LTBP1: variants seen among roughly 807,000 people sequenced by gnomAD.
LTBP1 encodes the protein latent transforming growth factor beta binding protein 1.
LTBP1 carries 129 observed loss-of-function variants against 207.6 expected under a neutral mutation model. The observed-to-expected ratio is 0.62, with a 90% confidence interval of 0.54 to 0.72. LTBP1 has a LOEUF of 0.72. LTBP1 is among the 30% of genes least tolerant of loss of function. LTBP1 has a pLI of 0.00. For synonymous variants in LTBP1, 963 were observed against 833.7 expected, an observed-to-expected ratio of 1.16 and a Z score of -2.67; for missense variants, 2,281 against 2,217.2, an observed-to-expected ratio of 1.03 and a Z score of -0.58.
intron 3 of LTBP1, among the ~76,000 whole-genome samples, chr2:33,064,036 T>C (rs988801935): frequency 3.9e-5 from 6 of 152,070 alleles, no homozygotes; most frequent in Admixed American, 6.6e-5. Flanking sequence ...GTAATTTTAG[T>C]TGAGACGGGG....
intron 5 of LTBP1, among the ~76,000 whole-genome samples, chr2:33,165,596 A>G (rs1189395582): frequency 6.6e-6 from 1 of 152,208 alleles, no homozygotes; most frequent in African/African-American, 2.4e-5. Flanking sequence ...CGGAACTGAG[A>G]TCTCTTGTCT....
chr2:33,193,087 G>GT (rs1225188208), intron 7 of LTBP1, among the ~76,000 whole-genome samples: 2 of 152,122 alleles, frequency 1.3e-5, no homozygotes, highest in Non-Finnish European at 2.9e-5. Context: ...GGAATTACTA[G>GT]TTTTCTTATG....
At chr2:33,100,421 G>T (rs1423174866) in intron 3 of LTBP1, among the ~76,000 whole-genome samples, 1 of 151,988 alleles carries the variant, frequency 6.6e-6, no homozygotes, top group African/African-American at 2.4e-5. Context: ...GAAGGATGGG[G>T]GCAGGGGGGG....
intron 7 of LTBP1, among the ~76,000 whole-genome samples, chr2:33,198,756 A>AT (rs1340401356): frequency 3.9e-5 from 6 of 152,038 alleles, no homozygotes; most frequent in African/African-American, 1.4e-4. Flanking sequence ...CCCCTTTATC[A>AT]TTTTTTATTG....
intron 3 of LTBP1, among the ~76,000 whole-genome samples, chr2:33,075,872 A>G (rs1234664300): frequency 6.6e-6 from 1 of 151,704 alleles, no homozygotes; most frequent in East Asian, 1.9e-4. Flanking sequence ...TCTTTTCCTA[A>G]TCAATATAAA....
intron 4 of LTBP1, among the ~76,000 whole-genome samples, chr2:33,131,735 A>T (rs182329577): frequency 6.3e-4 from 96 of 152,388 alleles, no homozygotes; most frequent in Non-Finnish European, 1.2e-3. Flanking sequence ...ATGAAATAAA[A>T]TATAGCTTCT....
At chr2:33,104,159 C>CTG (rs1261353148) in intron 3 of LTBP1, among the ~76,000 whole-genome samples, 2 of 152,164 alleles carry the variant, frequency 1.3e-5, no homozygotes, top group African/African-American at 4.8e-5. Flanking sequence ...TTTAGTCTGT[C>CTG]TGTGCGCCAA....
chr2:32,998,313 C>T lies in LTBP1; in HGVS notation c.566-22596C>T, dbSNP rs181706937. Among the ~76,000 whole-genome samples the T allele has an allele frequency of 3.0e-3, 458 of 151,710 alleles. 1 individual carries two copies. The highest frequency in any genetic ancestry group is 5.4e-3 in the Admixed American group (82 of 15,246). On this transcript the variant is annotated intron_variant, in intron 2 of 33. Transcript: ENST00000404816. ...TGGGCAGATCATGAGGTCAGGAGAT[C>T]GAGACCATCCTGGCCAACATGGTGA... is the stretch of plus-strand genomic sequence containing the variant.
chr2:33,048,785 C>T (rs77148568), intron 3 of LTBP1, among the ~76,000 whole-genome samples: 1 of 151,890 alleles, frequency 6.6e-6, no homozygotes, highest in Non-Finnish European at 1.5e-5. Flanking sequence ...TATTAAATAG[C>T]CAAAAAATCT....
In LTBP1 at chr2:33,341,729, A is replaced by AATATAT. The variant is rs56171359; in HGVS notation, c.3731-1098_3731-1093dup. On this transcript the variant is annotated intron_variant, in intron 24 of 33. Transcript: ENST00000404816. ...CCGTCTCACTCAAAAAAAAAAAAAA[A>AATATAT]ATATATATATATATATGTATATTTA... 9.1e-3 allele frequency among the ~76,000 whole-genome samples: 850 copies of AATATAT among 93,560 alleles called. 28 individuals carry two copies. The highest frequency in any genetic ancestry group is 0.037 in the African/African-American group (727 of 19,570). 61.4% of individuals were successfully genotyped at this position (93,560 alleles called of 152,430 possible).
chr2:33,106,754 G>C (rs2080089055), intron 3 of LTBP1, among the ~76,000 whole-genome samples: 1 of 152,078 alleles, frequency 6.6e-6, no homozygotes, highest in African/African-American at 2.4e-5. Flanking sequence ...ATTCTCAAGA[G>C]CCCTAGGATT....
chr2:33,052,377 G>A (rs191963367), intron 3 of LTBP1, among the ~76,000 whole-genome samples: 46 of 152,316 alleles, frequency 3.0e-4, no homozygotes, highest in Non-Finnish European at 4.7e-4. Flanking sequence ...AGCTAAGACT[G>A]AATTAGATTA....
At chr2:33,307,214 C>T (rs1322968986) in intron 22 of LTBP1, among the ~76,000 whole-genome samples, 1 of 152,216 alleles carries the variant, frequency 6.6e-6, no homozygotes, top group Non-Finnish European at 1.5e-5. Context: ...GCTACAGCCA[C>T]TTCAGATAAC....
chr2:32,997,059 A>G (rs1281021229), intron 2 of LTBP1, among the ~76,000 whole-genome samples: 1 of 151,940 alleles, frequency 6.6e-6, no homozygotes, highest in Non-Finnish European at 1.5e-5. Flanking sequence ...TAATTTTTGT[A>G]TTTTTAGTAG....
At chr2:33,277,823 T>C (rs942177881) in intron 18 of LTBP1, among the ~76,000 whole-genome samples, 1,700 of 81,466 alleles carry the variant, frequency 0.021, 27 homozygotes, top group African/African-American at 0.056. Context: ...TTTTCTTTCT[T>C]TCTTTCTTTT....
intron 3 of LTBP1, among the ~76,000 whole-genome samples, chr2:33,082,515 C>T (rs1364874886): frequency 1.5e-5 from 2 of 135,534 alleles, no homozygotes; most frequent in East Asian, 2.2e-4. Flanking sequence ...GGTGCGATCT[C>T]GGCTCACTGC....
chr2:33,231,938 G>A (rs2091813484), intron 9 of LTBP1, among the ~76,000 whole-genome samples: 1 of 152,106 alleles, frequency 6.6e-6, no homozygotes, highest in African/African-American at 2.4e-5. Context: ...ATTTTATTCA[G>A]GTAACTGTTG....
chr2:33,020,844 T>C, intron 2 of LTBP1, 65 bp from the exon 3 acceptor site: 2 of 1,463,370 alleles, frequency 1.4e-6, no homozygotes, highest in Non-Finnish European at 1.8e-6. Context: ...TGTTAACCCT[T>C]TGGAAAAATT....
At chr2:33,265,024 G>A (rs1438857300) in intron 15 of LTBP1, among the ~76,000 whole-genome samples, 2 of 152,164 alleles carry the variant, frequency 1.3e-5, no homozygotes, top group Non-Finnish European at 2.9e-5. Context: ...GGAGAAGATG[G>A]ATGTCTCAGC....
Sources: gnomAD v4.1 joint callset for allele counts (sites outside exome capture counted in the v4.1 genomes callset) on GRCh38, gnomAD v4.1.1 for gene constraint, MANE v1.5 for transcripts, NCBI Gene and HGNC (gene_info 2026-07-23, HGNC 2026-07-21) for gene names.